The following LRP5 variants were observed in gnomAD, a reference collection of about 807,000 sequenced individuals.
The protein encoded by LRP5 is LDL receptor related protein 5, also known as low-density lipoprotein receptor-related protein 5.
In LRP5, 62 loss-of-function variants were observed where a neutral mutation model predicts 154.1. The ratio of observed to expected loss-of-function variants is 0.40; its 90% CI spans 0.33 to 0.50. The LOEUF is 0.50. Among genes scored for constraint, LRP5 ranks in the 20% least tolerant of loss-of-function variants. The probability of loss-of-function intolerance (pLI) is 0.55; values close to 1 mark genes in which losing one functional copy is unlikely to be tolerated. For missense variants in LRP5, 1,915 were observed against 2,336.7 expected (o/e 0.82, Z 3.72); for synonymous variants, 966 against 1,011.5 (o/e 0.96, Z 0.85).
At position 68,447,852 on chromosome 11, in the gene LRP5, A is replaced by G. The variant is rs1000514158; in HGVS notation, c.4587-957A>G. ...CAGTGGGATGCGGCGTTTCTGGGCC[A>G]CAGTTGGGTGCAGGTAGCCTCTGGG... On this transcript the variant is annotated intron_variant, in intron 22 of 22. Coordinates refer to ENST00000294304, the MANE Select transcript of LRP5 (RefSeq NM_002335.4). This position sits in a 1 kb window ranked among gnomAD's most constrained non-coding sequence, Gnocchi z 4.3. Among the ~76,000 whole-genome samples the G allele has an allele frequency of 6.6e-6, 1 of 152,124 alleles. No homozygotes were observed. The highest frequency in any genetic ancestry group is 1.5e-5 in the Non-Finnish European group (1 of 68,014).
intron 7 of LRP5, among the ~76,000 whole-genome samples, chr11:68,395,049 C>G (rs1565072795): frequency 6.6e-6 from 1 of 152,078 alleles, no homozygotes. Flanking sequence ...GCCTGTAATC[C>G]CAACACTTTG....
intron 1 of LRP5, among the ~76,000 whole-genome samples, chr11:68,339,484 A>G (rs138663011): frequency 0.011 from 1,642 of 152,022 alleles, 15 homozygotes; most frequent in Non-Finnish European, 0.015. Flanking sequence ...AGTAGCTGGT[A>G]TTACAGGCGC....
rs762312251 is a variant in LRP5 at position 68,433,825 on chromosome 11, G to C, written c.3987G>C (p.Glu1329Asp). ...CAGACTGTCAGGACCGCTCAGACGAGGCGGACTGTGACGGTGAGGCCCTCC... is the reference window on the plus strand; with the variant it reads ...CAGACTGTCAGGACCGCTCAGACGACGCGGACTGTGACGGTGAGGCCCTCC... ...GEADCQDRSD[E>D]ADCDAICLPN... Residue 1329 changes from glutamate to aspartate, a missense_variant, in exon 18 of 23, where the codon GAG (glutamate) becomes GAC (aspartate). Around this residue, in one of 3 missense-constraint regions of LRP5, gnomAD observed 1,094 missense variants for 1,210.1 expected, o/e 0.90. Transcript: ENST00000294304. The C allele has an allele frequency of 2.5e-6, 4 of 1,612,428 alleles. No individual in the cohort carries two copies. The South Asian group carries it at 4.4e-5, about 18-fold the overall frequency.
At chr11:68,422,966 C>T (rs555381476) in intron 13 of LRP5, among the ~76,000 whole-genome samples, 152 of 152,238 alleles carry the variant, frequency 1.0e-3, no homozygotes, top group African/African-American at 3.3e-3. Context: ...GGGGCGGCCC[C>T]CAAACTGTCT....
chr11:68,351,153 T>C (rs1363480500), intron 2 of LRP5, among the ~76,000 whole-genome samples: 1 of 152,144 alleles, frequency 6.6e-6, no homozygotes, highest in East Asian at 1.9e-4. Context: ...TTTGAGTCCC[T>C]GAGGTCAGGC....
chr11:68,302,095 G>A, the LRP5 span, among the ~76,000 whole-genome samples: 1 of 151,004 alleles, frequency 6.6e-6, no homozygotes, highest in Middle Eastern at 3.2e-3. Context: ...AGTGGCTCAC[G>A]CCTGTAATCC....
chr11:68,339,932 C>T (rs1283267854), intron 1 of LRP5, among the ~76,000 whole-genome samples: 1 of 152,136 alleles, frequency 6.6e-6, no homozygotes, highest in East Asian at 1.9e-4. Context: ...TCCACAGCAG[C>T]CAGAGGTGTC....
chr11:68,323,840 T>G (rs1476626226), intron 1 of LRP5, among the ~76,000 whole-genome samples: 1 of 152,244 alleles, frequency 6.6e-6, no homozygotes, highest in African/African-American at 2.4e-5. Context: ...CGGGAGTTCA[T>G]GCACTTGCCA....
At chr11:68,382,709 G>C (rs2098640913) in intron 5 of LRP5, among the ~76,000 whole-genome samples, 1 of 152,088 alleles carries the variant, frequency 6.6e-6, no homozygotes, top group Non-Finnish European at 1.5e-5. Flanking sequence ...GCTGGCTCCT[G>C]GGATTGAAGT....
intron 1 of LRP5, among the ~76,000 whole-genome samples, chr11:68,338,445 A>C (rs924183660): frequency 6.6e-6 from 1 of 152,186 alleles, no homozygotes; most frequent in Non-Finnish European, 1.5e-5. Context: ...TTGGGTTTTC[A>C]AACTCCTGAT....
At chr11:68,418,597 C>T (rs540069329) in intron 13 of LRP5, among the ~76,000 whole-genome samples, 35 of 152,318 alleles carry the variant, frequency 2.3e-4, no homozygotes, top group Middle Eastern at 3.4e-3. Context: ...CTGGTGCCGT[C>T]CAGACAGGCT....
rs1277382489 is a variant in LRP5, at chr11:68,357,641, C to G, written c.489-9C>G. The G allele has an allele frequency of 6.2e-7, 1 of 1,613,388 alleles. No homozygotes were observed. Among genetic ancestry groups the G allele is most frequent in the Non-Finnish European group, 8.5e-7 (1 of 1,179,694 alleles). On this transcript the variant is annotated splice_polypyrimidine_tract_variant and intron_variant, in intron 2 of 22. Transcript: ENST00000294304. ...GTTAGCTGCTTCTCTTGCCCTGCCC[C>G]CGTCACAGGTACATGTACTGGACAG... is the stretch of plus-strand genomic sequence containing the variant.
chr11:68,410,090 G>C lies in LRP5; in HGVS notation c.2268G>C (p.Val756=). Residue 756 remains valine (V), a synonymous_variant, in exon 10 of 23, where the codon GTG becomes GTC. Transcript: ENST00000294304. ...RLDGQFRQVL[V]WRDLDNPRSL... Reference sequence around the variant, plus strand: ...ACGGGCAGTTCCGGCAAGTCCTCGTGTGGAGGGACTTGGACAACCCGAGGT... The same window carrying C: ...ACGGGCAGTTCCGGCAAGTCCTCGTCTGGAGGGACTTGGACAACCCGAGGT... 5 of 1,614,058 alleles carry C rather than the reference G, an allele frequency of 3.1e-6. No homozygotes were observed. Among genetic ancestry groups the C allele is most frequent in the Non-Finnish European group, 4.2e-6 (5 of 1,180,034 alleles).
intron 8 of LRP5, chr11:68,404,554 G>A (rs903807663): frequency 1.2e-5 from 6 of 481,854 alleles, no homozygotes; most frequent in African/African-American, 1.2e-4. Flanking sequence ...TGGAGCTGAG[G>A]CAGTGTGGGC....
chr11:68,324,319 G>T (rs1298942023), intron 1 of LRP5, among the ~76,000 whole-genome samples: 1 of 152,264 alleles, frequency 6.6e-6, no homozygotes, highest in Non-Finnish European at 1.5e-5. Flanking sequence ...GTGGGATAGT[G>T]AGAGCTGCGT....
At chr11:68,418,184 A>G (rs1409405918) in intron 13 of LRP5, among the ~76,000 whole-genome samples, 1 of 151,670 alleles carries the variant, frequency 6.6e-6, no homozygotes, top group Non-Finnish European at 1.5e-5. Flanking sequence ...AAGTGGGTGG[A>G]TCACGAGGTC....
At chr11:68,375,806 G>C (rs2098637024) in intron 5 of LRP5, among the ~76,000 whole-genome samples, 1 of 152,248 alleles carries the variant, frequency 6.6e-6, no homozygotes, top group Admixed American at 6.5e-5. Flanking sequence ...ACGGAAATCA[G>C]AGCATCCGAG....
chr11:68,360,495 C>T (rs1305621376), intron 3 of LRP5, among the ~76,000 whole-genome samples: 2 of 152,248 alleles, frequency 1.3e-5, no homozygotes, highest in African/African-American at 4.8e-5. Context: ...GGCCATCGCT[C>T]TTCATGATGC....
At chr11:68,380,357 T>A (rs1274954773) in intron 5 of LRP5, among the ~76,000 whole-genome samples, 1 of 152,218 alleles carries the variant, frequency 6.6e-6, no homozygotes, top group East Asian at 1.9e-4. Flanking sequence ...CTGTGTTGAC[T>A]GAGGCAGGCT....
Sources: allele counts gnomAD v4.1 joint callset (sites outside exome capture counted in the v4.1 genomes callset), GRCh38; gene constraint gnomAD v4.1.1; regional missense constraint gnomAD v4.1.1; non-coding constraint Gnocchi (gnomAD v3.1); transcripts MANE v1.5; gene names NCBI Gene and HGNC (gene_info 2026-07-23, HGNC 2026-07-21).